The following LRRC7 variants were observed in gnomAD, a reference collection of about 807,000 sequenced individuals.
LRRC7 encodes the protein leucine-rich repeat-containing protein 7.
LRRC7 carries 23 observed loss-of-function variants against 175.7 expected under a neutral mutation model. The observed-to-expected ratio is 0.13, with a 90% confidence interval of 0.09 to 0.19. The LOEUF (loss-of-function observed/expected upper bound fraction) is 0.19, where lower values mean the gene tolerates loss of function less well. LRRC7 is among the 10% of genes least tolerant of loss of function. LRRC7 has a pLI of 1.00. For synonymous variants in LRRC7, 685 were observed against 680.9 expected (o/e 1.01, Z -0.09); for missense variants, 1,354 against 1,904.7 (o/e 0.71, Z 5.38).
chr1:69,951,746 T>TA (rs1649956908), intron 8 of LRRC7, among the ~76,000 whole-genome samples: 1 of 151,924 alleles, frequency 6.6e-6, no homozygotes, highest in African/African-American at 2.4e-5. Flanking sequence ...AATGAGAACT[T>TA]ATGAACACAG....
Position 70,038,607 on chromosome 1 carries a change from C to T in LRRC7, c.2783C>T (p.Pro928Leu). ...ESTEIPSPFSPGVPWEYHDSN... is the reference protein window; with the variant it reads ...ESTEIPSPFSLGVPWEYHDSN... ...ACTGAAATACCTAGTCCTTTTTCTC[C>T]AGGCGTACCATGGGAGTATCATGAT... The change falls in exon 21 of 27, where the codon CCA (proline) becomes CTA (leucine). Residue 928 changes from proline (P) to leucine (L), a missense_variant. By Grantham distance (98) the Pro-to-Leu change is moderately conservative. Around this residue, in one of 4 missense-constraint regions of LRRC7, gnomAD observed 1,032 missense variants for 1,227.2 expected, o/e 0.84. Coordinates refer to ENST00000651989, the MANE Select transcript of LRRC7 (RefSeq NM_001370785.2). 1 of 1,614,020 alleles carries T rather than the reference C, an allele frequency of 6.2e-7. No homozygotes were observed.
chr1:69,650,187 A>C (rs1484131170), intron 1 of LRRC7, among the ~76,000 whole-genome samples: 3 of 152,174 alleles, frequency 2.0e-5, no homozygotes. Context: ...TCCTTATAAA[A>C]GAAGAGCAAA....
intron 1 of LRRC7, among the ~76,000 whole-genome samples, chr1:69,663,406 C>T (rs1317909600): frequency 2.6e-5 from 4 of 152,132 alleles, no homozygotes; most frequent in African/African-American, 7.2e-5. Flanking sequence ...TACCGGCATG[C>T]AATGCATACA....
intron 10 of LRRC7, among the ~76,000 whole-genome samples, chr1:69,987,839 T>C (rs1324399730): frequency 6.6e-6 from 1 of 152,230 alleles, no homozygotes; most frequent in Non-Finnish European, 1.5e-5. Flanking sequence ...CAAAATCCCA[T>C]ATTTTATAAT....
At chr1:70,091,981 G>C (rs981473384) in intron 25 of LRRC7, among the ~76,000 whole-genome samples, 4 of 152,204 alleles carry the variant, frequency 2.6e-5, no homozygotes, top group Admixed American at 2.0e-4. Context: ...AGTTTTGGTG[G>C]CATGCCAAAC....
At chr1:69,991,620 T>C (rs1654447459) in intron 10 of LRRC7, among the ~76,000 whole-genome samples, 1 of 152,266 alleles carries the variant, frequency 6.6e-6, no homozygotes, top group South Asian at 2.1e-4. Context: ...TTAGTGATAA[T>C]TGGATGGCGA....
At chr1:70,067,058 T>C (rs949271838) in intron 23 of LRRC7, among the ~76,000 whole-genome samples, 48 of 152,240 alleles carry the variant, frequency 3.2e-4, no homozygotes, top group African/African-American at 1.1e-3. Flanking sequence ...ATGTACTTAT[T>C]TGCCTCCATC....
intron 8 of LRRC7, among the ~76,000 whole-genome samples, chr1:69,934,441 A>G (rs897288489): frequency 3.7e-5 from 5 of 134,680 alleles, no homozygotes; most frequent in South Asian, 4.8e-4. Context: ...TTTAATAGCA[A>G]TTATCCCCAG....
chr1:69,965,821 A>G (rs1651610439), intron 8 of LRRC7, among the ~76,000 whole-genome samples: 1 of 152,170 alleles, frequency 6.6e-6, no homozygotes, highest in East Asian at 1.9e-4. Flanking sequence ...TAGGGTTGTC[A>G]TCAAAAGGTG....
rs578183399 is a variant in LRRC7 at position 69,838,132 on chromosome 1, A to G, written c.591-95A>G. ...TTTTAAATATACATTATTGTTAACC[A>G]TAGTAACCCTATAGTGCTACCAAAT... On this transcript the variant is annotated intron_variant, in intron 6 of 26. Coordinates refer to ENST00000651989, the MANE Select transcript of LRRC7 (RefSeq NM_001370785.2). The G allele has an allele frequency of 2.4e-3, 1,761 of 723,870 alleles. 11 individuals carry two copies. The highest frequency in any genetic ancestry group is 0.012 in the South Asian group (729 of 59,848). 44.8% of individuals were successfully genotyped at this position (723,870 alleles called of 1,614,324 possible).
intron 2 of LRRC7, among the ~76,000 whole-genome samples, chr1:69,680,059 C>A (rs532451399): frequency 2.0e-5 from 3 of 152,218 alleles, no homozygotes; most frequent in South Asian, 4.1e-4. Flanking sequence ...CATAAAAAAT[C>A]TTTTTGAACC....
At chr1:70,011,977 G>A (rs369161225) in intron 12 of LRRC7, 51 bp downstream of exon 12, 18 of 1,407,774 alleles carry the variant, frequency 1.3e-5, no homozygotes, top group African/African-American at 5.7e-5. Context: ...AATCTGTTTT[G>A]GAGTAAAATC....
At chr1:69,946,806 A>C (rs1269364847) in intron 8 of LRRC7, among the ~76,000 whole-genome samples, 1 of 152,004 alleles carries the variant, frequency 6.6e-6, no homozygotes, top group African/African-American at 2.4e-5. Context: ...GGCCAGGCGC[A>C]GTGGCTCATG....
chr1:69,780,161 T>C (rs559357378), intron 3 of LRRC7, among the ~76,000 whole-genome samples: 68 of 152,366 alleles, frequency 4.5e-4, no homozygotes, highest in African/African-American at 1.5e-3. Context: ...CTTCGTTGCA[T>C]ATGAATATTT....
At chr1:69,571,745 A>C (rs1645746780) in intron 1 of LRRC7, among the ~76,000 whole-genome samples, 1 of 152,156 alleles carries the variant, frequency 6.6e-6, no homozygotes, top group African/African-American at 2.4e-5. Flanking sequence ...ATAAGAAGGA[A>C]TCACACATTC....
At chr1:69,729,423 G>C (rs1212413085) in intron 2 of LRRC7, among the ~76,000 whole-genome samples, 1 of 152,092 alleles carries the variant, frequency 6.6e-6, no homozygotes, top group South Asian at 2.1e-4. Context: ...AGATACAATG[G>C]GGGTACAGGT....
At chr1:69,617,964 T>C (rs1024415581) in intron 1 of LRRC7, among the ~76,000 whole-genome samples, 4 of 151,978 alleles carry the variant, frequency 2.6e-5, no homozygotes, top group Non-Finnish European at 5.9e-5. Flanking sequence ...AGGGACATAA[T>C]AGGAACTCTC....
chr1:69,629,723 G>A (rs144939620), intron 1 of LRRC7, among the ~76,000 whole-genome samples: 2 of 152,128 alleles, frequency 1.3e-5, no homozygotes, highest in Middle Eastern at 3.4e-3. Flanking sequence ...TTACTGTCAT[G>A]TTCTTTCCCT....
At chr1:69,911,539 G>T (rs1486475193) in intron 7 of LRRC7, among the ~76,000 whole-genome samples, 1 of 152,116 alleles carries the variant, frequency 6.6e-6, no homozygotes, top group African/African-American at 2.4e-5. Flanking sequence ...GTTTTGATTT[G>T]CATGCTTCCT....
Sources: gnomAD v4.1 joint callset for allele counts (sites outside exome capture counted in the v4.1 genomes callset) on GRCh38, gnomAD v4.1.1 for gene constraint, gnomAD v4.1.1 regional missense constraint, MANE v1.5 for transcripts, NCBI Gene and HGNC (gene_info 2026-07-23, HGNC 2026-07-21) for gene names.